The following PACSIN3 variants were observed in gnomAD, a reference collection of about 807,000 sequenced individuals.
PACSIN3 encodes the protein protein kinase C and casein kinase substrate in neurons protein 3.
Under a neutral mutation model 56.1 loss-of-function variants are expected in PACSIN3, and 34 were observed. That is an observed-to-expected ratio of 0.61 (90% CI 0.46 to 0.81). The LOEUF (loss-of-function observed/expected upper bound fraction) is 0.81. PACSIN3 is among the 30% of genes least tolerant of loss of function. The pLI is 0.00. For missense variants in PACSIN3, 535 were observed against 592.4 expected (o/e 0.90, Z 1.01); for synonymous variants, 218 against 229.8 (o/e 0.95, Z 0.46).
intron 2 of PACSIN3, 63 bp from the exon 3 acceptor site, chr11:47,182,827 C>T (rs538102995): frequency 1.8e-5 from 23 of 1,304,352 alleles, no homozygotes; most frequent in Non-Finnish European, 2.3e-5. Context: ...TAGGAAAAGA[C>T]CCTCTCTATA....
Position 47,178,401 on chromosome 11 carries a change from G to A in PACSIN3, c.1124C>T (p.Ala375Val), listed in dbSNP as rs1952933793. ...GVRVRALYDY[A>V]GQEADELSFR... is the part of the protein sequence containing the mutation. ...GCTCAGCTCATCAGCTTCCTGGCCAGCGTAGTCATAGAGTGCCCTCACCCG... is the reference window on the plus strand; with the variant it reads ...GCTCAGCTCATCAGCTTCCTGGCCAACGTAGTCATAGAGTGCCCTCACCCG... The change falls in exon 10 of 11, where the codon GCT becomes GTT. Residue 375 changes from alanine (A) to valine (V), a missense_variant. Coordinates refer to ENST00000298838, the MANE Select transcript of PACSIN3 (RefSeq NM_016223.5). The surrounding 1 kb of genome is among the most constrained non-coding windows in gnomAD (Gnocchi z 4.2). 6.2e-7 allele frequency: 1 copy of A among 1,614,064 alleles called. No homozygotes were observed. Among genetic ancestry groups the A allele is most frequent in the Non-Finnish European group, 8.5e-7 (1 of 1,180,002 alleles).
At chr11:47,183,788 G>A (rs1427233293) in intron 1 of PACSIN3, among the ~76,000 whole-genome samples, 1 of 152,210 alleles carries the variant, frequency 6.6e-6, no homozygotes, top group African/African-American at 2.4e-5. Context: ...TTGGGAGACT[G>A]AGGTGGGTGG....
chr11:47,180,777 A>C (rs1475009563), intron 4 of PACSIN3, 87 bp from the exon 5 acceptor site: 45 of 1,052,964 alleles, frequency 4.3e-5, no homozygotes, highest in Non-Finnish European at 5.8e-5. Context: ...GCATGGAGGC[A>C]TGGGGTACGC....
rs1344002832 is a variant in PACSIN3 at position 47,186,172 on chromosome 11, G to A, written c.-104+177C>T. ...TGCGAAGCCCGCGGCACCGCAGATGGGACGGCCCCTCGGCGCGGCTACGGC... is the reference window on the plus strand; with the variant it reads ...TGCGAAGCCCGCGGCACCGCAGATGAGACGGCCCCTCGGCGCGGCTACGGC... On this transcript the variant is annotated intron_variant, in intron 1 of 10. Transcript: ENST00000298838. The surrounding 1 kb of genome is among the most constrained non-coding windows in gnomAD (Gnocchi z 4.5). 2.0e-5 allele frequency among the ~76,000 whole-genome samples: 3 copies of A among 151,958 alleles called. No homozygotes were observed. The highest frequency in any genetic ancestry group is 4.8e-5 in the African/African-American group (2 of 41,412).
intron 4 of PACSIN3, among the ~76,000 whole-genome samples, chr11:47,181,144 C>G (rs1953017312): frequency 1.3e-5 from 2 of 152,076 alleles, no homozygotes; most frequent in Admixed American, 1.3e-4. Context: ...CGCCTGTAGT[C>G]CCAGCTACTT....
Position 47,179,373 on chromosome 11 carries a change from A to G in PACSIN3, c.779+38T>C. ...CTCGGGGAGATGGAGGAGACCCAGT[A>G]CTACCCCAGATCTCCATGCCCACCA... On this transcript the variant is annotated intron_variant, in intron 7 of 10. Transcript: ENST00000298838. This position sits in a 1 kb window ranked among gnomAD's most constrained non-coding sequence, Gnocchi z 4.4. The G allele has an allele frequency of 6.2e-7, 1 of 1,613,142 alleles. No homozygotes were observed. Among genetic ancestry groups the G allele is most frequent in the Non-Finnish European group, 8.5e-7 (1 of 1,179,368 alleles).
Position 47,177,975 on chromosome 11 carries a change from T to G in PACSIN3, c.1231A>C (p.Ile411Leu), listed in dbSNP as rs200030202. 2 of 1,614,098 alleles carry G rather than the reference T, an allele frequency of 1.2e-6. No individual in the cohort carries two copies. The highest frequency in any genetic ancestry group is 1.7e-6 in the Non-Finnish European group (2 of 1,179,974). The change falls in exon 11 of 11, where the codon ATT becomes CTT. Residue 411 changes from isoleucine (I) to leucine (L), a missense_variant. Ile to Leu is a conservative substitution (Grantham distance 5). Transcript: ENST00000298838. ...ACGTAGTTGGCAGGGTACAGGCCAATGCGGCCACTCTGCAACTGGCCTTGG... is the reference window on the plus strand; with the variant it reads ...ACGTAGTTGGCAGGGTACAGGCCAAGGCGGCCACTCTGCAACTGGCCTTGG... Reference protein sequence around the residue: ...WCQGQLQSGRIGLYPANYVEC... With the variant: ...WCQGQLQSGRLGLYPANYVEC...
rs768579878 is a variant in PACSIN3, at chr11:47,177,913, G to C, written c.*18C>G. The C allele has an allele frequency of 3.1e-6, 5 of 1,592,726 alleles. No homozygotes were observed. In the Admixed American group the frequency reaches 6.7e-5, roughly 21 times the overall value. On this transcript the variant is annotated 3_prime_UTR_variant, in exon 11 of 11. Coordinates refer to ENST00000298838, the MANE Select transcript of PACSIN3 (RefSeq NM_016223.5). ...TGAACCAGGGTGGGTAAACGTTGCA[G>C]AAGGGCTGTCAGGACACTCAGGCGC...
At chr11:47,180,428 T>C in intron 5 of PACSIN3, 27 bp downstream of exon 5, 5 of 1,592,280 alleles carry the variant, frequency 3.1e-6, no homozygotes, top group Non-Finnish European at 3.4e-6. Flanking sequence ...GGAGCCTGTC[T>C]CGGATACCTC....
At chr11:47,183,558 A>C (rs936537304) in intron 1 of PACSIN3, among the ~76,000 whole-genome samples, 1 of 152,216 alleles carries the variant, frequency 6.6e-6, no homozygotes, top group Admixed American at 6.5e-5. Flanking sequence ...CAAACCAAGC[A>C]ACGCACCAGA....
rs1274510151 is a variant in PACSIN3 at position 47,179,066 on chromosome 11, C to G, written c.901-36G>C. 1 of 1,614,092 alleles carries G rather than the reference C, an allele frequency of 6.2e-7. No homozygotes were observed. On this transcript the variant is annotated intron_variant, in intron 8 of 10. Transcript: ENST00000298838. The surrounding 1 kb of genome is among the most constrained non-coding windows in gnomAD (Gnocchi z 4.4). ...AGTGCTTATAGTCAGGTGGGGCCAT[C>G]TGAACCACCTTCACTTACTTCATCC... is the stretch of plus-strand genomic sequence containing the variant.
chr11:47,181,373 T>C (rs1340163707), intron 4 of PACSIN3, among the ~76,000 whole-genome samples: 1 of 152,238 alleles, frequency 6.6e-6, no homozygotes, highest in East Asian at 1.9e-4. Flanking sequence ...GGAAGACAGC[T>C]TGCAGGGTGG....
intron 4 of PACSIN3, among the ~76,000 whole-genome samples, chr11:47,181,561 C>T (rs749921188): frequency 5.3e-5 from 8 of 152,184 alleles, no homozygotes; most frequent in Non-Finnish European, 8.8e-5. Flanking sequence ...CGGTGGCTCA[C>T]GCCTGTAATC....
chr11:47,182,669 C>A lies in PACSIN3; in HGVS notation c.54+5G>T. 1 of 1,611,230 alleles carries A rather than the reference C, an allele frequency of 6.2e-7. No individual in the cohort carries two copies. Among genetic ancestry groups the A allele is most frequent in the Non-Finnish European group, 8.5e-7 (1 of 1,178,530 alleles). On this transcript the variant is annotated splice_donor_5th_base_variant and intron_variant, in intron 3 of 10. Transcript: ENST00000298838. The stretch of plus-strand genomic sequence containing the variant: ...AGTAGCTGAGCCCAGGACCCAGCTG[C>A]TCACCTCCCAGAAACTGCCCCCTAA...
intron 1 of PACSIN3, chr11:47,185,201 T>A (rs938437361): frequency 5.9e-5 from 9 of 152,240 alleles, no homozygotes; most frequent in Non-Finnish European, 1.3e-4. Flanking sequence ...CTTGGCAGGG[T>A]CTCCTTGCAG....
chr11:47,180,475 A>G lies in PACSIN3; in HGVS notation c.427T>C (p.Trp143Arg). Residue 143 changes from tryptophan (W) to arginine (R), a missense_variant, in exon 5 of 11, where the codon TGG (tryptophan) becomes CGG (arginine). By Grantham distance (101) the Trp-to-Arg change is moderately radical. Transcript: ENST00000298838. ...EDGFRKAQKPWLKRLKEVEAS... is the reference protein window; with the variant it reads ...EDGFRKAQKPRLKRLKEVEAS... ...CTCACCTCCTTCAGCCTCTTCAGCCAGGGCTTCTGGGCCTTGCGGAAGCCG... is the reference window on the plus strand; with the variant it reads ...CTCACCTCCTTCAGCCTCTTCAGCCGGGGCTTCTGGGCCTTGCGGAAGCCG... The G allele has an allele frequency of 6.2e-7, 1 of 1,601,684 alleles. No homozygotes were observed. The highest frequency in any genetic ancestry group is 8.5e-7 in the Non-Finnish European group (1 of 1,176,764).
In PACSIN3 at chr11:47,177,796, C is replaced by G. The variant is rs1357514232; in HGVS notation, c.*135G>C. 8.3e-6 allele frequency: 6 copies of G among 723,210 alleles called. No homozygotes were observed. The highest frequency in any genetic ancestry group is 7.1e-5 in the African/African-American group (4 of 56,052). The allele number at this position is 723,210 out of a possible 1,614,324, so 44.8% of individuals were successfully genotyped here. On this transcript the variant is annotated 3_prime_UTR_variant, in exon 11 of 11. Coordinates refer to ENST00000298838, the MANE Select transcript of PACSIN3 (RefSeq NM_016223.5). Reference sequence around the variant, plus strand: ...ACAAAGGCCCCTCCCCTCCCTGGGTCCCAGGACTTCCTCCCTCAAGGGACA... The same window carrying G: ...ACAAAGGCCCCTCCCCTCCCTGGGTGCCAGGACTTCCTCCCTCAAGGGACA...
rs1308543334 is a variant in PACSIN3, at chr11:47,178,357, C to G, written c.1159+9G>C. On this transcript the variant is annotated intron_variant, in intron 10 of 10. Transcript: ENST00000298838. The surrounding 1 kb of genome is among the most constrained non-coding windows in gnomAD (Gnocchi z 4.2). Reference sequence around the variant, plus strand: ...AGAGGCTGAAGCTAGGAAAGGGGTCCCAGGGTACCTGCTCGGAAGCTCAGC... The same window carrying G: ...AGAGGCTGAAGCTAGGAAAGGGGTCGCAGGGTACCTGCTCGGAAGCTCAGC... The G allele has an allele frequency of 6.2e-7, 1 of 1,613,452 alleles. No homozygotes were observed. Among genetic ancestry groups the G allele is most frequent in the South Asian group, 1.1e-5 (1 of 91,036 alleles).
In PACSIN3 at chr11:47,177,912, A is replaced by G. The variant is rs1201976021; in HGVS notation, c.*19T>C. On this transcript the variant is annotated 3_prime_UTR_variant, in exon 11 of 11. Coordinates refer to ENST00000298838, the MANE Select transcript of PACSIN3 (RefSeq NM_016223.5). ...CTGAACCAGGGTGGGTAAACGTTGC[A>G]GAAGGGCTGTCAGGACACTCAGGCG... 6.3e-7 allele frequency: 1 copy of G among 1,591,214 alleles called. No individual in the cohort carries two copies. Among genetic ancestry groups the G allele is most frequent in the African/African-American group, 1.3e-5 (1 of 74,510 alleles).
Sources: gnomAD v4.1 joint callset for allele counts (sites outside exome capture counted in the v4.1 genomes callset) on GRCh38, gnomAD v4.1.1 for gene constraint, Gnocchi (gnomAD v3.1) non-coding constraint, MANE v1.5 for transcripts, NCBI Gene and HGNC (gene_info 2026-07-23, HGNC 2026-07-21) for gene names.